Variants in ITGA11 observed in about 807,000 individuals in gnomAD.
ITGA11 encodes integrin alpha-11.
ITGA11 carries 97 observed loss-of-function variants against 141.9 expected under a neutral mutation model. The observed-to-expected ratio is 0.68, with a 90% CI of 0.58 to 0.81. The LOEUF (loss-of-function observed/expected upper bound fraction) is 0.81, where lower values mean the gene tolerates loss of function less well. ITGA11 is among the 30% of genes least tolerant of loss of function. The pLI is 0.00. For missense variants in ITGA11, 1,387 were observed against 1,559.2 expected (o/e 0.89, Z 1.86); for synonymous variants, 658 against 624.6 (o/e 1.05, Z -0.80).
intron 26 of ITGA11, among the ~76,000 whole-genome samples, chr15:68,309,772 G>A (rs1371095094): frequency 6.6e-6 from 1 of 151,936 alleles, no homozygotes; most frequent in Admixed American, 6.6e-5. Context: ...TGTATGTTTA[G>A]TAGAGATGAG....
intron 7 of ITGA11, among the ~76,000 whole-genome samples, chr15:68,352,452 C>A (rs1473532483): frequency 6.6e-6 from 1 of 152,132 alleles, no homozygotes; most frequent in Non-Finnish European, 1.5e-5. Flanking sequence ...CTCTGCCTCC[C>A]AAAGTGCTGG....
intron 10 of ITGA11, 135 bp downstream of exon 10, chr15:68,348,695 C>T: frequency 1.4e-6 from 1 of 735,542 alleles, no homozygotes; most frequent in Non-Finnish European, 2.3e-6. Context: ...AGAGAGACCC[C>T]AAGAAAGAGA....
At chr15:68,371,690 C>G (rs1207680704) in intron 2 of ITGA11, among the ~76,000 whole-genome samples, 1 of 151,828 alleles carries the variant, frequency 6.6e-6, no homozygotes, top group African/African-American at 2.4e-5. Flanking sequence ...TGTACTCCGG[C>G]CTGGGTGACA....
chr15:68,318,365 C>T (rs1481144717), intron 20 of ITGA11, among the ~76,000 whole-genome samples: 2 of 152,150 alleles, frequency 1.3e-5, no homozygotes, highest in Non-Finnish European at 2.9e-5. Flanking sequence ...AAGTCTGGGC[C>T]AGGGAAGCAG....
chr15:68,307,354 G>A lies in ITGA11; in HGVS notation c.3375C>T (p.Ser1125=). 2 of 1,554,742 alleles carry A rather than the reference G, an allele frequency of 1.3e-6. No individual in the cohort carries two copies. Among genetic ancestry groups the A allele is most frequent in the South Asian group, 2.4e-5 (2 of 84,300 alleles). Residue 1125 remains serine (S), a synonymous_variant, in exon 28 of 30, where the codon AGC becomes AGT. Transcript: ENST00000315757. The surrounding 1 kb of genome is among the most constrained non-coding windows in gnomAD (Gnocchi z 6.1). ...AGGGCTCCCAGGGGCTCACCTGGCG[G>A]CTGGGATCCTCCTCACGGAAGATGA... is the stretch of plus-strand genomic sequence containing the variant. ...SPFIFREEDP[S]RQIVFEISKQ...
intron 8 of ITGA11, 68 bp from the exon 9 acceptor site, chr15:68,350,850 C>T (rs1433730928): frequency 1.3e-6 from 2 of 1,512,136 alleles, no homozygotes; most frequent in East Asian, 4.6e-5. Flanking sequence ...CACCACACGG[C>T]CTAGACCCTG....
chr15:68,390,065 G>C (rs1896078590), intron 2 of ITGA11, among the ~76,000 whole-genome samples: 1 of 152,212 alleles, frequency 6.6e-6, no homozygotes, highest in Non-Finnish European at 1.5e-5. Context: ...AGAACACTCA[G>C]CCCAAGAGGA....
At chr15:68,424,165 A>C (rs1026246186) in intron 1 of ITGA11, among the ~76,000 whole-genome samples, 1 of 151,658 alleles carries the variant, frequency 6.6e-6, no homozygotes, top group Non-Finnish European at 1.5e-5. Flanking sequence ...CCAATGAATC[A>C]CTCCACACCT....
At chr15:68,323,217 C>T (rs1392477578) in intron 18 of ITGA11, among the ~76,000 whole-genome samples, 1 of 152,148 alleles carries the variant, frequency 6.6e-6, no homozygotes, top group Non-Finnish European at 1.5e-5. Flanking sequence ...AAGCCATATC[C>T]AGGGGTCACC....
intron 21 of ITGA11, 45 bp downstream of exon 21, chr15:68,317,220 C>T (rs569162418): frequency 2.9e-6 from 4 of 1,367,172 alleles, no homozygotes; most frequent in Non-Finnish European, 4.2e-6. Context: ...CCTGTGCCTC[C>T]CAGTGCCCAC....
rs567890954 is a variant in ITGA11, at chr15:68,346,852, T to C, written c.1131+1978A>G. Among the ~76,000 whole-genome samples the C allele has an allele frequency of 1.2e-4, 18 of 152,314 alleles. No individual in the cohort carries two copies. In the South Asian group the frequency reaches 3.7e-3, roughly 32 times the overall value. The stretch of plus-strand genomic sequence containing the variant: ...ACGTTGCTTTGGTTAACATTAGACA[T>C]GTGCATGTCTCCCCCTATCCCCTGC... On this transcript the variant is annotated intron_variant, in intron 10 of 29. Coordinates refer to ENST00000315757, the MANE Select transcript of ITGA11 (RefSeq NM_001004439.2).
chr15:68,348,473 C>T (rs375623752), intron 10 of ITGA11, among the ~76,000 whole-genome samples: 14 of 152,346 alleles, frequency 9.2e-5, no homozygotes, highest in East Asian at 1.9e-4. Context: ...GCACACCCCG[C>T]GCCTCACAGG....
chr15:68,360,298 A>G (rs1383054615), intron 5 of ITGA11, among the ~76,000 whole-genome samples: 1 of 152,194 alleles, frequency 6.6e-6, no homozygotes, highest in Non-Finnish European at 1.5e-5. Flanking sequence ...TAATCTTTTA[A>G]CAGGTTATTT....
chr15:68,409,988 C>T (rs1264173002), intron 1 of ITGA11, among the ~76,000 whole-genome samples: 1 of 152,246 alleles, frequency 6.6e-6, no homozygotes, highest in Non-Finnish European at 1.5e-5. Flanking sequence ...CCAGGCTTGT[C>T]CCCTCCTACA....
intron 1 of ITGA11, among the ~76,000 whole-genome samples, chr15:68,408,404 C>T (rs1226464706): frequency 6.6e-6 from 1 of 152,112 alleles, no homozygotes; most frequent in South Asian, 2.1e-4. Flanking sequence ...ACTCCTGTCT[C>T]CCGCATCAGG....
chr15:68,394,198 A>G (rs961284946), intron 2 of ITGA11, among the ~76,000 whole-genome samples: 3 of 152,230 alleles, frequency 2.0e-5, no homozygotes, highest in Non-Finnish European at 2.9e-5. Flanking sequence ...AATAACAAGC[A>G]GTGAGATTGA....
intron 2 of ITGA11, among the ~76,000 whole-genome samples, chr15:68,370,117 G>A (rs1328684450): frequency 2.0e-5 from 3 of 152,136 alleles, no homozygotes; most frequent in Non-Finnish European, 4.4e-5. Flanking sequence ...GAGGGAGTGC[G>A]GACCTGGTGC....
intron 4 of ITGA11, 54 bp from the exon 5 acceptor site, chr15:68,361,758 A>G: frequency 1.6e-6 from 2 of 1,279,240 alleles, no homozygotes; most frequent in Non-Finnish European, 2.2e-6. Context: ...GAGAGGATCG[A>G]GGTCCAATGG....
Position 68,296,693 on chromosome 15 carries a change from ATTTAC to A in ITGA11, c.*6361_*6365del, listed in dbSNP as rs1490026512. 5 of 151,876 alleles carry A rather than the reference ATTTAC, an allele frequency of 3.3e-5. No individual in the cohort carries two copies. The highest frequency in any genetic ancestry group is 7.4e-5 in the Non-Finnish European group (5 of 67,976). 9.4% of individuals were successfully genotyped at this position (151,876 alleles called of 1,614,324 possible). A position where few individuals can be genotyped will look rare whatever the true frequency, so the allele number is the denominator to read the frequency against. On this transcript the variant is annotated 3_prime_UTR_variant, in exon 30 of 30. Transcript: ENST00000315757. ...CTCTGTCATGTAATAGTTGTAGCTTATTTACTTTAAATATGGTACTTTTGTATCCA... is the reference window on the plus strand; with the variant it reads ...CTCTGTCATGTAATAGTTGTAGCTTATTTAAATATGGTACTTTTGTATCCA...
Sources: allele counts gnomAD v4.1 joint callset (sites outside exome capture counted in the v4.1 genomes callset), GRCh38; gene constraint gnomAD v4.1.1; non-coding constraint Gnocchi (gnomAD v3.1); transcripts MANE v1.5; gene names NCBI Gene and HGNC (gene_info 2026-07-23, HGNC 2026-07-21).